The following ANKRD36 variants were observed in gnomAD, a reference collection of about 807,000 sequenced individuals.
ANKRD36 encodes the protein ankyrin repeat domain-containing protein 36A.
In ANKRD36, 179 loss-of-function variants were observed where a neutral mutation model predicts 278.1. That is an observed-to-expected ratio of 0.64 (90% CI 0.57 to 0.73). The LOEUF (loss-of-function observed/expected upper bound fraction) is 0.73. Among genes scored for constraint, ANKRD36 ranks in the 30% least tolerant of loss-of-function variants. The probability of loss-of-function intolerance (pLI) is 0.00; values close to 1 mark genes in which losing one functional copy is unlikely to be tolerated. For missense variants in ANKRD36, 1,159 were observed against 1,956.7 expected (o/e 0.59, Z 7.69); for synonymous variants, 320 against 641.1 (o/e 0.50, Z 7.57).
At chr2:97,242,706 A>AT (rs2074696469) in intron 69 of ANKRD36, among the ~76,000 whole-genome samples, 1 of 131,818 alleles carries the variant, frequency 7.6e-6, no homozygotes, top group Admixed American at 8.5e-5. Context: ...GAAGATGAAA[A>AT]TGTATTTCTA....
At chr2:97,140,321 G>A (rs1276624347) in intron 6 of ANKRD36, among the ~76,000 whole-genome samples, 5 of 151,732 alleles carry the variant, frequency 3.3e-5, no homozygotes, top group African/African-American at 9.7e-5. Flanking sequence ...AATAGGTTAT[G>A]TTCAATAACA....
At chr2:97,151,294 T>C (rs2045905550) in intron 12 of ANKRD36, among the ~76,000 whole-genome samples, 1 of 151,942 alleles carries the variant, frequency 6.6e-6, no homozygotes, top group Non-Finnish European at 1.5e-5. Flanking sequence ...TCGTGAATCA[T>C]TGCTCCATAA....
chr2:97,219,123 C>G, intron 65 of ANKRD36, 45 bp downstream of exon 65: 1 of 1,544,386 alleles, frequency 6.5e-7, no homozygotes, highest in Admixed American at 2.0e-5. Flanking sequence ...ACTGCATAAC[C>G]TATACCAATA....
chr2:97,192,897 A>C lies in ANKRD36; in HGVS notation c.2376+11A>C, dbSNP rs766221944. 3 of 1,602,024 alleles carry C rather than the reference A, an allele frequency of 1.9e-6. No homozygotes were observed. Among genetic ancestry groups the C allele is most frequent in the South Asian group, 1.1e-5 (1 of 90,508 alleles). ...CCACCAGCCTTGACGGTAATGAAAC[A>C]CTCATTTATATTGTGAATGAGTTAA... On this transcript the variant is annotated intron_variant, in intron 37 of 75. Coordinates refer to ENST00000420699, the MANE Select transcript of ANKRD36 (RefSeq NM_001354587.1).
chr2:97,166,105 A>G (rs2050584169), intron 20 of ANKRD36, among the ~76,000 whole-genome samples: 1 of 151,506 alleles, frequency 6.6e-6, no homozygotes, highest in African/African-American at 2.4e-5. Flanking sequence ...TTAACCATAA[A>G]TTAGCTTCAC....
chr2:97,260,378 A>G (rs1304929224), intron 75 of ANKRD36, among the ~76,000 whole-genome samples: 2 of 127,342 alleles, frequency 1.6e-5, no homozygotes, highest in African/African-American at 3.2e-5. Flanking sequence ...ATATATATAT[A>G]TACACACATA....
intron 46 of ANKRD36, among the ~76,000 whole-genome samples, chr2:97,201,856 C>T (rs1485801555): frequency 3.3e-5 from 5 of 151,912 alleles, no homozygotes; most frequent in African/African-American, 1.2e-4. Flanking sequence ...GTAGCACCTG[C>T]TTTGACATTG....
intron 64 of ANKRD36, among the ~76,000 whole-genome samples, chr2:97,217,715 T>C (rs1186137002): frequency 2.0e-5 from 3 of 151,886 alleles, no homozygotes; most frequent in Non-Finnish European, 2.9e-5. Flanking sequence ...AAAAAAGTAA[T>C]AGAAATTATA....
chr2:97,191,295 C>G (rs2058465899), intron 36 of ANKRD36, 114 bp downstream of exon 36: 1 of 1,222,248 alleles, frequency 8.2e-7, no homozygotes, highest in African/African-American at 1.5e-5. Context: ...ATTCAGCTGT[C>G]CTGAGATTCT....
At chr2:97,191,345 G>T (rs1432849080) in intron 36 of ANKRD36, among the ~76,000 whole-genome samples, 164 bp downstream of exon 36, 9 of 151,668 alleles carry the variant, frequency 5.9e-5, no homozygotes, top group Non-Finnish European at 1.0e-4. Context: ...GATGCTGCTG[G>T]TCTGGAACAT....
intron 68 of ANKRD36, among the ~76,000 whole-genome samples, chr2:97,240,947 A>G (rs1453248446): frequency 1.9e-5 from 2 of 105,310 alleles, no homozygotes; most frequent in African/African-American, 3.8e-5. Flanking sequence ...TGGGTGAAGT[A>G]TAGATCAAAT....
intron 10 of ANKRD36, among the ~76,000 whole-genome samples, chr2:97,145,854 A>G (rs537339020): frequency 1.3e-5 from 2 of 152,178 alleles, no homozygotes; most frequent in East Asian, 3.9e-4. Flanking sequence ...TTCACCAAAC[A>G]TATATCCAAG....
At chr2:97,220,232 C>T (rs1398549758) in intron 66 of ANKRD36, among the ~76,000 whole-genome samples, 2 of 149,336 alleles carry the variant, frequency 1.3e-5, no homozygotes, top group Non-Finnish European at 3.0e-5. Flanking sequence ...TTAACCATTT[C>T]TTTGTGCTAT....
At chr2:97,198,541 A>C (rs1398832833) in intron 43 of ANKRD36, 45 bp from the exon 44 acceptor site, 1 of 1,561,692 alleles carries the variant, frequency 6.4e-7, no homozygotes, top group Admixed American at 1.9e-5. Context: ...ATAGTCTATG[A>C]AACATACTTT....
chr2:97,233,030 T>G (rs1457027541), intron 67 of ANKRD36, among the ~76,000 whole-genome samples: 1 of 150,380 alleles, frequency 6.6e-6, no homozygotes, highest in East Asian at 2.0e-4. Context: ...AAAAAGATGA[T>G]GGTGTTTCTG....
chr2:97,139,528 A>G (rs2042345157), intron 6 of ANKRD36, among the ~76,000 whole-genome samples: 1 of 152,036 alleles, frequency 6.6e-6, no homozygotes, highest in Non-Finnish European at 1.5e-5. Flanking sequence ...GTATGATCTA[A>G]TGATATGCCA....
At chr2:97,162,183 G>A in intron 18 of ANKRD36, 45 bp downstream of exon 18, 2 of 1,325,046 alleles carry the variant, frequency 1.5e-6, no homozygotes, top group Non-Finnish European at 1.9e-6. Flanking sequence ...ATGAAATAAT[G>A]ATAATGTTAT....
chr2:97,229,650 ATTG>A (rs1558948420), intron 67 of ANKRD36, among the ~76,000 whole-genome samples: 2 of 151,960 alleles, frequency 1.3e-5, no homozygotes, highest in African/African-American at 4.8e-5. Flanking sequence ...TAAAGTTAAT[ATTG>A]TTATGTCTGA....
chr2:97,229,481 A>G (rs1360352906), intron 67 of ANKRD36, among the ~76,000 whole-genome samples: 2 of 151,798 alleles, frequency 1.3e-5, no homozygotes, highest in African/African-American at 2.4e-5. Context: ...TTTGTTTTCC[A>G]TTTGCTTGGT....
Sources: gnomAD v4.1 joint callset for allele counts (sites outside exome capture counted in the v4.1 genomes callset) on GRCh38, gnomAD v4.1.1 for gene constraint, MANE v1.5 for transcripts, NCBI Gene and HGNC (gene_info 2026-07-23, HGNC 2026-07-21) for gene names.